Variants in SLC9A3 observed in about 807,000 individuals in gnomAD.
The protein encoded by SLC9A3 is solute carrier family 9 member A3, also known as sodium/hydrogen exchanger 3.
In SLC9A3, 37 loss-of-function variants were observed where a neutral mutation model predicts 86.8. That is an observed-to-expected ratio of 0.43 (90% CI 0.33 to 0.56). SLC9A3 has a LOEUF of 0.56. SLC9A3 is among the 20% of genes least tolerant of loss of function. SLC9A3 has a pLI of 0.06. For missense variants in SLC9A3, 1,011 were observed against 1,171.9 expected, an observed-to-expected ratio of 0.86 and a Z score of 2.00; for synonymous variants, 581 against 528.3, an observed-to-expected ratio of 1.10 and a Z score of -1.37.
Position 481,648 on chromosome 5 carries a change from G to A in SLC9A3, c.1447-13C>T. ...TGTGGTCGAAAGCCTTTCAAGGGAA[G>A]AAAGACATGAGCGTCTCGGGGCGGC... is the stretch of plus-strand genomic sequence containing the variant. On this transcript the variant is annotated splice_polypyrimidine_tract_variant and intron_variant, in intron 8 of 16. Transcript: ENST00000264938. The A allele has an allele frequency of 1.9e-6, 3 of 1,612,136 alleles. No homozygotes were observed.
At chr5:520,094 CA>C (rs1171576424) in intron 1 of SLC9A3, among the ~76,000 whole-genome samples, 1 of 151,610 alleles carries the variant, frequency 6.6e-6, no homozygotes, top group Non-Finnish European at 1.5e-5. Flanking sequence ...TCCCCGTGGG[CA>C]GTCACTGCCG....
intron 1 of SLC9A3, among the ~76,000 whole-genome samples, chr5:504,859 C>A (rs1370637224): frequency 6.6e-6 from 1 of 151,912 alleles, no homozygotes. Context: ...TGGCATACAG[C>A]GGGGGCTCAC....
chr5:479,301 C>T (rs982308687), intron 10 of SLC9A3: 8 of 155,988 alleles, frequency 5.1e-5, no homozygotes, highest in Non-Finnish European at 1.1e-4. Context: ...GCAGTGGCCT[C>T]GGGGCTGGGT....
chr5:520,490 C>T (rs1733853151), intron 1 of SLC9A3, among the ~76,000 whole-genome samples: 1 of 152,088 alleles, frequency 6.6e-6, no homozygotes, highest in African/African-American at 2.4e-5. Flanking sequence ...ACTCCTGCTT[C>T]AAGGAGGCCC....
At chr5:486,480 C>G (rs1011824176) in intron 3 of SLC9A3, among the ~76,000 whole-genome samples, 1 of 152,242 alleles carries the variant, frequency 6.6e-6, no homozygotes, top group African/African-American at 2.4e-5. Flanking sequence ...CCTTACTGAG[C>G]GCTGATGTGG....
chr5:513,783 T>C (rs772120076), intron 1 of SLC9A3, among the ~76,000 whole-genome samples: 8 of 152,250 alleles, frequency 5.3e-5, no homozygotes, highest in Non-Finnish European at 1.0e-4. Context: ...AAGTAGTTCC[T>C]GACAGCTCCT....
Position 473,248 on chromosome 5 carries a change from A to G in SLC9A3, c.*131T>C. On this transcript the variant is annotated 3_prime_UTR_variant, in exon 17 of 17. Coordinates refer to ENST00000264938, the MANE Select transcript of SLC9A3 (RefSeq NM_004174.4). ...TTCTGCGCAGGCGCTGGCGTGGGCG[A>G]GGCGGGGCTCGGGGCTCGCGGTCGC... is the stretch of plus-strand genomic sequence containing the variant. 3.9e-6 allele frequency: 4 copies of G among 1,017,560 alleles called. No homozygotes were observed. Among genetic ancestry groups the G allele is most frequent in the Non-Finnish European group, 5.0e-6 (4 of 794,362 alleles). The allele number at this position is 1,017,560 out of a possible 1,614,324, so 63.0% of individuals were successfully genotyped here.
In SLC9A3 at chr5:491,887, G is replaced by A. The variant is rs772511893; in HGVS notation, c.396C>T (p.Pro132=). 4.3e-6 allele frequency: 7 copies of A among 1,611,032 alleles called. No individual in the cohort carries two copies. Among genetic ancestry groups the A allele is most frequent in the Non-Finnish European group, 5.9e-6 (7 of 1,179,162 alleles). ...CCAGGTTGCCGAAGAAGAGGCGGTTGGGCATGAAGTAGCCGGCGTCCAGCA... is the reference window on the plus strand; with the variant it reads ...CCAGGTTGCCGAAGAAGAGGCGGTTAGGCATGAAGTAGCCGGCGTCCAGCA... The part of the protein sequence containing the change: ...PIVLDAGYFM[P]NRLFFGNLGT... Residue 132 remains proline (P), a synonymous_variant, in exon 2 of 17, where the codon CCC becomes CCT. Transcript: ENST00000264938. This position sits in a 1 kb window ranked among gnomAD's most constrained non-coding sequence, Gnocchi z 9.2.
intron 1 of SLC9A3, among the ~76,000 whole-genome samples, chr5:492,383 CCCACAGGGGAGGGGAGGGA>C (rs1215540929): frequency 1.3e-4 from 6 of 45,612 alleles, no homozygotes; most frequent in Admixed American, 2.9e-4. Context: ...TAGGGGGGAA[CCCACAGGGGAGGGGAGGGA>C]GGTCGGGGTG....
chr5:491,730 AC>A lies in SLC9A3; in HGVS notation c.514+38del, dbSNP rs765896962. 1.4e-6 allele frequency: 2 copies of A among 1,473,360 alleles called. No individual in the cohort carries two copies. The highest frequency in any genetic ancestry group is 5.0e-5 in the East Asian group (2 of 40,052). 91.3% of individuals were successfully genotyped at this position (1,473,360 alleles called of 1,614,324 possible). ...GGCAGCGCCGCCCCTCCCGGACCCC[AC>A]CCTGATCCCGGCCGGGGCAACAGTG... is the stretch of plus-strand genomic sequence containing the variant. On this transcript the variant is annotated intron_variant, in intron 2 of 16. Transcript: ENST00000264938. This position sits in a 1 kb window ranked among gnomAD's most constrained non-coding sequence, Gnocchi z 9.2.
intron 9 of SLC9A3, 165 bp from the exon 10 acceptor site, chr5:480,130 C>T (rs554655896): frequency 3.7e-5 from 25 of 667,978 alleles, no homozygotes; most frequent in South Asian, 3.2e-4. Flanking sequence ...GGCCGTCCGC[C>T]GTTCTCCCGC....
intron 1 of SLC9A3, among the ~76,000 whole-genome samples, chr5:520,061 C>G (rs1319812793): frequency 6.6e-6 from 1 of 152,170 alleles, no homozygotes; most frequent in Non-Finnish European, 1.5e-5. Context: ...CCACCGCCCC[C>G]ACCCAGCCCC....
At chr5:493,919 C>T (rs1190901691) in intron 1 of SLC9A3, among the ~76,000 whole-genome samples, 1 of 152,222 alleles carries the variant, frequency 6.6e-6, no homozygotes, top group Non-Finnish European at 1.5e-5. Context: ...AACCACGCGA[C>T]AGTGATAACC....
intron 5 of SLC9A3, 95 bp downstream of exon 5, chr5:484,425 G>T (rs1739365755): frequency 3.9e-6 from 4 of 1,038,400 alleles, no homozygotes; most frequent in Non-Finnish European, 5.7e-6. Flanking sequence ...TCGGGTTGGG[G>T]TCCCCCTGGC....
rs1376327224 is a variant in SLC9A3 at position 496,674 on chromosome 5, T to A, written c.212-4603A>T. The stretch of plus-strand genomic sequence containing the variant: ...TTTGTTTTATGGCTTCTGAGTTTTG[T>A]GTTATACTTAACAAAGCCATTCCTG... On this transcript the variant is annotated intron_variant, in intron 1 of 16. Transcript: ENST00000264938. This position sits in a 1 kb window ranked among gnomAD's most constrained non-coding sequence, Gnocchi z 4.7. 6.6e-6 allele frequency among the ~76,000 whole-genome samples: 1 copy of A among 152,238 alleles called. No homozygotes were observed. Among genetic ancestry groups the A allele is most frequent in the Non-Finnish European group, 1.5e-5 (1 of 68,042 alleles).
chr5:471,593 C>T lies in SLC9A3; in HGVS notation c.*1786G>A. Reference sequence around the variant, plus strand: ...CGGTGGCTGCAGCAGGGAACCAGGGCTGGCCTTGGATCTGTCCAGTAGGGT... The same window carrying T: ...CGGTGGCTGCAGCAGGGAACCAGGGTTGGCCTTGGATCTGTCCAGTAGGGT... On this transcript the variant is annotated 3_prime_UTR_variant, in exon 17 of 17. Coordinates refer to ENST00000264938, the MANE Select transcript of SLC9A3 (RefSeq NM_004174.4). 2.8e-6 allele frequency: 1 copy of T among 359,796 alleles called. No homozygotes were observed. The highest frequency in any genetic ancestry group is 5.5e-6 in the Non-Finnish European group (1 of 182,058). The allele number at this position is 359,796 out of a possible 1,614,324, so 22.3% of individuals were successfully genotyped here.
Position 524,260 on chromosome 5 carries a change from C to G in SLC9A3, c.63G>C (p.Gly21=), listed in dbSNP as rs1477354578. 1 of 1,410,876 alleles carries G rather than the reference C, an allele frequency of 7.1e-7. No individual in the cohort carries two copies. Among genetic ancestry groups the G allele is most frequent in the Non-Finnish European group, 9.3e-7 (1 of 1,078,538 alleles). The allele number at this position is 1,410,876 out of a possible 1,614,324, so 87.4% of individuals were successfully genotyped here. The change falls in exon 1 of 17, where the codon GGG becomes GGC. Residue 21 remains glycine, a synonymous_variant. Transcript: ENST00000264938. ...CCTCGACGCCCCCGGCCCGCGCCAGCCCGCCCAGCGCCAGCGCCAGCAGCA... is the reference window on the plus strand; with the variant it reads ...CCTCGACGCCCCCGGCCCGCGCCAGGCCGCCCAGCGCCAGCGCCAGCAGCA... ...RGLLLALALG[G]LARAGGVEVE...
chr5:476,344 G>T lies in SLC9A3; in HGVS notation c.1925C>A (p.Pro642His), dbSNP rs1391383862. 5.0e-6 allele frequency: 8 copies of T among 1,613,804 alleles called. No homozygotes were observed. In the African/African-American group the frequency reaches 1.1e-4, roughly 22 times the overall value. ...CCGGTCCTGTTTCTCGTCCTCCGTG[G>T]GCGTGAGCTCGTGTCGGCTGTACAG... ...KHLYSRHELT[P>H]TEDEKQDREI... is the part of the protein sequence containing the mutation. Residue 642 changes from proline to histidine, a missense_variant, in exon 13 of 17, where the codon CCC becomes CAC. Coordinates refer to ENST00000264938, the MANE Select transcript of SLC9A3 (RefSeq NM_004174.4).
At chr5:509,403 G>A (rs961478689) in intron 1 of SLC9A3, among the ~76,000 whole-genome samples, 1 of 150,402 alleles carries the variant, frequency 6.6e-6, no homozygotes, top group Non-Finnish European at 1.5e-5. Flanking sequence ...GCAGTGAGCT[G>A]AGCTCATGCC....
Sources: allele counts gnomAD v4.1 joint callset (sites outside exome capture counted in the v4.1 genomes callset), GRCh38; gene constraint gnomAD v4.1.1; non-coding constraint Gnocchi (gnomAD v3.1); transcripts MANE v1.5; gene names NCBI Gene and HGNC (gene_info 2026-07-23, HGNC 2026-07-21).